The following GULP1 variants were observed in gnomAD, a reference collection of about 807,000 sequenced individuals.
The protein encoded by GULP1 is GULP PTB domain containing engulfment adaptor 1.
In GULP1, 19 loss-of-function variants were observed where a neutral mutation model predicts 40.9. The ratio of observed to expected loss-of-function variants is 0.46; its 90% confidence interval spans 0.32 to 0.68. The LOEUF is 0.68. GULP1 is among the 30% of genes least tolerant of loss of function. The pLI, the probability that GULP1 is intolerant of heterozygous loss-of-function variation, is 0.03. For synonymous variants in GULP1, 119 were observed against 117.6 expected (o/e 1.01, Z -0.08); for missense variants, 312 against 362.2 (o/e 0.86, Z 1.12).
chr2:188,582,597 T>A, intron 9 of GULP1: 1 of 449,082 alleles, frequency 2.2e-6, no homozygotes, highest in Non-Finnish European at 4.6e-6. Flanking sequence ...TCTTTTTTAT[T>A]ATCCCACTTA....
At chr2:188,474,627 C>T (rs1268488609) in intron 2 of GULP1, among the ~76,000 whole-genome samples, 1 of 152,138 alleles carries the variant, frequency 6.6e-6, no homozygotes, top group African/African-American at 2.4e-5. Flanking sequence ...CAGAACTGTT[C>T]CTTCTACCTT....
chr2:188,371,565 A>G (rs2047601244), intron 1 of GULP1, among the ~76,000 whole-genome samples: 1 of 152,138 alleles, frequency 6.6e-6, no homozygotes, highest in African/African-American at 2.4e-5. Context: ...TGTGTATGGG[A>G]CAGAGTAGTT....
Position 188,313,611 on chromosome 2 carries a change from G to A in GULP1, c.-172+21445G>A, listed in dbSNP as rs1164426682. 7.3e-5 allele frequency among the ~76,000 whole-genome samples: 11 copies of A among 151,166 alleles called. No individual in the cohort carries two copies. In the East Asian group the frequency reaches 1.4e-3, roughly 19 times the overall value. ...TGGCTATATGGGGTGTTCTTTGATTGACCATGAAATTTAAAGTAGTTTTTT... is the reference window on the plus strand; with the variant it reads ...TGGCTATATGGGGTGTTCTTTGATTAACCATGAAATTTAAAGTAGTTTTTT... On this transcript the variant is annotated intron_variant, in intron 1 of 11. Coordinates refer to ENST00000409830, the MANE Select transcript of GULP1 (RefSeq NM_016315.4).
chr2:188,403,688 G>A (rs919589042), intron 2 of GULP1, among the ~76,000 whole-genome samples: 44 of 152,168 alleles, frequency 2.9e-4, no homozygotes, highest in Admixed American at 5.2e-4. Context: ...TATGCACAGG[G>A]GAGGACTGTC....
intron 7 of GULP1, among the ~76,000 whole-genome samples, chr2:188,558,559 C>T (rs1419854680): frequency 2.0e-5 from 3 of 152,044 alleles, no homozygotes; most frequent in Non-Finnish European, 4.4e-5. Context: ...AAAACATACC[C>T]AAAAATGTGG....
intron 1 of GULP1, among the ~76,000 whole-genome samples, chr2:188,305,262 T>G (rs2036853141): frequency 6.6e-6 from 1 of 152,194 alleles, no homozygotes; most frequent in Admixed American, 6.5e-5. Context: ...CTTCCCTGGG[T>G]GGGCCACCCT....
chr2:188,427,717 T>C (rs374822163), intron 2 of GULP1, among the ~76,000 whole-genome samples: 41 of 152,316 alleles, frequency 2.7e-4, no homozygotes, highest in African/African-American at 8.4e-4. Context: ...TAGAAAAGAC[T>C]GGATGTACAG....
rs549649358 is a variant in GULP1 at position 188,516,515 on chromosome 2, T to G, written c.91-6241T>G. Among the ~76,000 whole-genome samples the G allele has an allele frequency of 3.9e-5, 6 of 152,224 alleles. No homozygotes were observed. In the South Asian group the frequency reaches 1.2e-3, roughly 32 times the overall value. On this transcript the variant is annotated intron_variant, in intron 4 of 11. Transcript: ENST00000409830. ...ACATTGAGTCCCTTAATCTGAAAAT[T>G]TATACCTTTGGTTCTGGGAAAGTGA...
intron 11 of GULP1, chr2:188,592,047 A>G (rs1195916240): frequency 4.6e-5 from 7 of 151,998 alleles, no homozygotes; most frequent in Non-Finnish European, 8.8e-5. Flanking sequence ...ATCCTTAAAA[A>G]GTCAATATGG....
chr2:188,432,499 C>A (rs2056981454), intron 2 of GULP1, among the ~76,000 whole-genome samples: 1 of 151,678 alleles, frequency 6.6e-6, no homozygotes, highest in Admixed American at 6.6e-5. Context: ...CAGGATTTTA[C>A]TGTTTTCATT....
intron 1 of GULP1, chr2:188,293,696 A>G (rs988966256): frequency 6.6e-6 from 1 of 152,254 alleles, no homozygotes; most frequent in African/African-American, 2.4e-5. Context: ...TGGAAACAGC[A>G]GACAGGCTAA....
intron 2 of GULP1, among the ~76,000 whole-genome samples, chr2:188,458,608 C>G (rs1188120725): frequency 1.3e-5 from 2 of 152,052 alleles, no homozygotes; most frequent in African/African-American, 4.8e-5. Flanking sequence ...TACAGACATG[C>G]AATGCATAAT....
intron 4 of GULP1, among the ~76,000 whole-genome samples, chr2:188,500,210 T>C (rs889664230): frequency 1.3e-5 from 2 of 151,914 alleles, no homozygotes; most frequent in African/African-American, 4.8e-5. Context: ...TTAGATTTGG[T>C]AGGTCTAGAA....
At chr2:188,353,217 A>G (rs965170819) in intron 1 of GULP1, among the ~76,000 whole-genome samples, 3 of 152,196 alleles carry the variant, frequency 2.0e-5, no homozygotes, top group African/African-American at 7.2e-5. Flanking sequence ...GTAGTAGAAA[A>G]TACTAAATAA....
At chr2:188,586,636 T>A (rs1470436474) in intron 10 of GULP1, among the ~76,000 whole-genome samples, 2 of 152,172 alleles carry the variant, frequency 1.3e-5, no homozygotes, top group Non-Finnish European at 2.9e-5. Flanking sequence ...TTGGAAATGC[T>A]CCTTTTAGTT....
chr2:188,350,960 A>G (rs2044367424), intron 1 of GULP1, among the ~76,000 whole-genome samples: 1 of 152,168 alleles, frequency 6.6e-6, no homozygotes, highest in Non-Finnish European at 1.5e-5. Flanking sequence ...CATGCTTGAA[A>G]TAGCTCCAAG....
chr2:188,448,133 C>T (rs972387427), intron 2 of GULP1, among the ~76,000 whole-genome samples: 1 of 152,150 alleles, frequency 6.6e-6, no homozygotes, highest in Non-Finnish European at 1.5e-5. Context: ...AGTTTGATCA[C>T]TTGTGGTGGT....
At chr2:188,293,297 G>C (rs1001593540) in intron 1 of GULP1, 2 of 152,184 alleles carry the variant, frequency 1.3e-5, no homozygotes, top group Non-Finnish European at 2.9e-5. Context: ...CAATCTGCAA[G>C]TTTGACAAAG....
At chr2:188,343,767 C>G (rs2152207499) in intron 1 of GULP1, among the ~76,000 whole-genome samples, 1 of 152,188 alleles carries the variant, frequency 6.6e-6, no homozygotes, top group South Asian at 2.1e-4. Flanking sequence ...CAAATTTCTT[C>G]TATGTTTTAA....
Sources: gnomAD v4.1 joint callset for allele counts (sites outside exome capture counted in the v4.1 genomes callset) on GRCh38, gnomAD v4.1.1 for gene constraint, MANE v1.5 for transcripts, NCBI Gene and HGNC (gene_info 2026-07-23, HGNC 2026-07-21) for gene names.